The following SREK1IP1 variants were observed in gnomAD, a reference collection of about 807,000 sequenced individuals.
SREK1IP1 encodes protein SREK1IP1.
SREK1IP1 carries 12 observed loss-of-function variants against 22.8 expected under a neutral mutation model. The observed-to-expected ratio is 0.53, with a 90% CI of 0.34 to 0.85. The LOEUF (loss-of-function observed/expected upper bound fraction) is 0.85, where lower values mean the gene tolerates loss of function less well. Ranked by LOEUF, SREK1IP1 falls within the 40% of genes least tolerant of loss-of-function variation. The pLI, the probability that SREK1IP1 is intolerant of heterozygous loss-of-function variation, is 0.02. For missense variants in SREK1IP1, 147 were observed against 171.8 expected (o/e 0.86, Z 0.81); for synonymous variants, 53 against 52.7 (o/e 1.01, Z -0.02).
chr5:64,726,507 C>T (rs1216637193), intron 4 of SREK1IP1, among the ~76,000 whole-genome samples: 7 of 146,964 alleles, frequency 4.8e-5, no homozygotes, highest in South Asian at 2.2e-4. Flanking sequence ...ACCCGGGAGG[C>T]GGAGCTTGAA....
At chr5:64,730,512 T>A (rs928934820) in intron 3 of SREK1IP1, among the ~76,000 whole-genome samples, 3 of 152,070 alleles carry the variant, frequency 2.0e-5, no homozygotes, top group Non-Finnish European at 4.4e-5. Flanking sequence ...AGAAAAGAAT[T>A]CATAGCAATT....
chr5:64,759,836 A>G (rs1742914167), intron 1 of SREK1IP1, among the ~76,000 whole-genome samples: 2 of 152,174 alleles, frequency 1.3e-5, no homozygotes, highest in Admixed American at 1.3e-4. Context: ...AAAGATTGAA[A>G]GGTTGAAGGA....
intron 1 of SREK1IP1, among the ~76,000 whole-genome samples, chr5:64,758,368 C>G (rs1029098804): frequency 6.6e-5 from 10 of 152,134 alleles, no homozygotes; most frequent in African/African-American, 2.4e-4. Flanking sequence ...GGGGTTTCAC[C>G]ATGTTGGTTC....
At position 64,768,558 on chromosome 5, in the gene SREK1IP1, A is replaced by G. The variant is rs778199221; in HGVS notation, c.-41T>C. The stretch of plus-strand genomic sequence containing the variant: ...GGTAACTCGAGCCTCTGGCTTTCGA[A>G]AAGGCGCTTGCTTCCCGCCAGCTGT... On this transcript the variant is annotated 5_prime_UTR_variant, in exon 1 of 5. Coordinates refer to ENST00000513458, the MANE Select transcript of SREK1IP1 (RefSeq NM_173829.4). The G allele has an allele frequency of 4.3e-6, 7 of 1,614,032 alleles. No individual in the cohort carries two copies. The Middle Eastern group carries it at 6.6e-4, about 152-fold the overall frequency.
At chr5:64,724,637 G>T in intron 4 of SREK1IP1, 64 bp from the exon 5 acceptor site, 1 of 1,257,200 alleles carries the variant, frequency 8.0e-7, no homozygotes, top group Non-Finnish European at 1.1e-6. Context: ...ATTTAAGTGG[G>T]ATTTGAACTG....
intron 4 of SREK1IP1, 107 bp downstream of exon 4, chr5:64,728,000 T>A (rs961164506): frequency 1.0e-6 from 1 of 991,482 alleles, no homozygotes; most frequent in Non-Finnish European, 1.3e-6. Flanking sequence ...GCTTAGTTGT[T>A]GAAGAAAAAA....
At chr5:64,725,034 A>T (rs1263036440) in intron 4 of SREK1IP1, among the ~76,000 whole-genome samples, 1 of 152,208 alleles carries the variant, frequency 6.6e-6, no homozygotes, top group Non-Finnish European at 1.5e-5. Flanking sequence ...ATGAAAGCTG[A>T]AAGTTAGCAA....
chr5:64,760,345 T>C (rs530416042), intron 1 of SREK1IP1, among the ~76,000 whole-genome samples: 6 of 152,336 alleles, frequency 3.9e-5, no homozygotes, highest in East Asian at 1.9e-4. Flanking sequence ...TCTCTTCTAA[T>C]TGTAAGCAGC....
chr5:64,743,312 T>C (rs1181232253), intron 2 of SREK1IP1, among the ~76,000 whole-genome samples: 1 of 152,228 alleles, frequency 6.6e-6, no homozygotes, highest in Non-Finnish European at 1.5e-5. Context: ...TACAGGTTCA[T>C]AGCCTAGCAA....
rs1742354977 is a variant in SREK1IP1, at chr5:64,730,330, T to A, written c.206-2151A>T. ...AATGGAAATAAAAAGGTAGAGAAAGTAAGAATAAATAACTTTGATGAGAAG... is the reference window on the plus strand; with the variant it reads ...AATGGAAATAAAAAGGTAGAGAAAGAAAGAATAAATAACTTTGATGAGAAG... On this transcript the variant is annotated intron_variant, in intron 3 of 4. Coordinates refer to ENST00000513458, the MANE Select transcript of SREK1IP1 (RefSeq NM_173829.4). Among the ~76,000 whole-genome samples the A allele has an allele frequency of 3.3e-5, 5 of 151,968 alleles. No homozygotes were observed. The South Asian group carries it at 1.0e-3, about 32-fold the overall frequency.
chr5:64,741,772 T>C (rs1315978770), intron 2 of SREK1IP1, among the ~76,000 whole-genome samples: 2 of 152,164 alleles, frequency 1.3e-5, no homozygotes, highest in African/African-American at 2.4e-5. Context: ...TATCTACTTA[T>C]GTATATGTTT....
chr5:64,744,823 T>G (rs1742606337), intron 2 of SREK1IP1, among the ~76,000 whole-genome samples: 1 of 152,238 alleles, frequency 6.6e-6, no homozygotes, highest in South Asian at 2.1e-4. Context: ...GTAAATTCAC[T>G]CCTCATACTT....
chr5:64,731,603 A>C (rs1290256528), intron 3 of SREK1IP1, among the ~76,000 whole-genome samples: 2 of 152,052 alleles, frequency 1.3e-5, no homozygotes, highest in Non-Finnish European at 2.9e-5. Context: ...GACAATAAAA[A>C]TGGGAAGAAG....
intron 1 of SREK1IP1, among the ~76,000 whole-genome samples, chr5:64,767,459 T>C (rs984960521): frequency 1.3e-5 from 2 of 152,198 alleles, no homozygotes; most frequent in African/African-American, 4.8e-5. Flanking sequence ...ATAAAGAGTG[T>C]ACATTTCCTC....
chr5:64,767,429 C>G (rs952343870), intron 1 of SREK1IP1, among the ~76,000 whole-genome samples: 1 of 152,348 alleles, frequency 6.6e-6, no homozygotes. Flanking sequence ...AGTACCAGTG[C>G]CTGGCACACA....
chr5:64,719,175 G>A lies in SREK1IP1; in HGVS notation c.*5209C>T, dbSNP rs1442123805. ...TCACATGTGGCTACTGAACACTTAA[G>A]ATGTGGCTAATGCAACTGAAAAAAT... is the stretch of plus-strand genomic sequence containing the variant. On this transcript the variant is annotated 3_prime_UTR_variant, in exon 5 of 5. Coordinates refer to ENST00000513458, the MANE Select transcript of SREK1IP1 (RefSeq NM_173829.4). 6.6e-6 allele frequency: 1 copy of A among 152,094 alleles called. No individual in the cohort carries two copies. Among genetic ancestry groups the A allele is most frequent in the Non-Finnish European group, 1.5e-5 (1 of 68,016 alleles). 9.4% of individuals were successfully genotyped at this position (152,094 alleles called of 1,614,324 possible). A position where few individuals can be genotyped will look rare whatever the true frequency, so the allele number is the denominator to read the frequency against.
intron 1 of SREK1IP1, among the ~76,000 whole-genome samples, chr5:64,756,169 AACAT>A (rs1742837662): frequency 6.6e-6 from 1 of 152,204 alleles, no homozygotes; most frequent in Non-Finnish European, 1.5e-5. Context: ...AAATATAAAT[AACAT>A]ACAATTTACC....
chr5:64,736,620 C>A (rs1286651086), intron 3 of SREK1IP1, among the ~76,000 whole-genome samples: 4 of 152,022 alleles, frequency 2.6e-5, no homozygotes, highest in Non-Finnish European at 5.9e-5. Flanking sequence ...CGCCACCATG[C>A]CCAGCTACTT....
intron 1 of SREK1IP1, among the ~76,000 whole-genome samples, chr5:64,767,087 T>A (rs1338376447): frequency 6.6e-6 from 1 of 152,220 alleles, no homozygotes; most frequent in Non-Finnish European, 1.5e-5. Context: ...CCATCTGTAT[T>A]TGAGTTCCAT....
Sources: gnomAD v4.1 joint callset for allele counts (sites outside exome capture counted in the v4.1 genomes callset) on GRCh38, gnomAD v4.1.1 for gene constraint, MANE v1.5 for transcripts, NCBI Gene and HGNC (gene_info 2026-07-23, HGNC 2026-07-21) for gene names.